TRIP12: variants seen among roughly 807,000 people sequenced by gnomAD.
TRIP12 encodes thyroid hormone receptor interactor 12.
A neutral mutation model predicts 244.2 loss-of-function variants in TRIP12; 25 were observed. The observed-to-expected ratio is 0.10, with a 90% CI of 0.07 to 0.14. TRIP12 has a LOEUF of 0.14. TRIP12 is among the 10% of genes least tolerant of loss of function. TRIP12 has a pLI of 1.00. For missense variants in TRIP12, 1,677 were observed against 2,486.4 expected, an observed-to-expected ratio of 0.67 and a Z score of 6.92; for synonymous variants, 905 against 873.1, an observed-to-expected ratio of 1.04 and a Z score of -0.64.
chr2:229,863,916 G>C (rs1341181679), intron 2 of TRIP12, among the ~76,000 whole-genome samples: 1 of 151,354 alleles, frequency 6.6e-6, no homozygotes, highest in African/African-American at 2.4e-5. Context: ...AAAATTTGTA[G>C]AACAGTATAG....
intron 34 of TRIP12, among the ~76,000 whole-genome samples, chr2:229,782,851 T>A (rs1274191747): frequency 6.6e-6 from 1 of 152,090 alleles, no homozygotes; most frequent in African/African-American, 2.4e-5. Context: ...TTACCTACAT[T>A]TTACAGATAA....
In TRIP12 at chr2:229,880,058, T is replaced by C; in HGVS notation, c.22A>G (p.Asn8Asp). The change falls in exon 2 of 42, where the codon AAT becomes GAT. Residue 8 changes from asparagine (N) to aspartate (D), a missense_variant. By Grantham distance (23) the Asn-to-Asp change is conservative. This residue lies in a region of TRIP12 where 387 missense variants were observed against 392.6 expected (regional missense o/e 0.99). Coordinates refer to ENST00000675903, the MANE Select transcript of TRIP12 (RefSeq NM_001348323.3). ...GAACGTCGCAGTGACCCCCCTGGAT[T>C]GTTATTAGGCCGGTTGGACATTGGC... MSNRPNN[N>D]PGGSLRRSQR... is the part of the protein sequence containing the mutation. 1 of 1,614,122 alleles carries C rather than the reference T, an allele frequency of 6.2e-7. No individual in the cohort carries two copies. The highest frequency in any genetic ancestry group is 2.2e-5 in the East Asian group (1 of 44,884).
chr2:229,811,486 T>A (rs1425990075), intron 13 of TRIP12, among the ~76,000 whole-genome samples: 1 of 151,966 alleles, frequency 6.6e-6, no homozygotes, highest in Non-Finnish European at 1.5e-5. Flanking sequence ...ACAATCTCAA[T>A]ACCTAAACAA....
chr2:229,829,078 A>T (rs1256529442), intron 8 of TRIP12, 115 bp downstream of exon 8: 3 of 851,864 alleles, frequency 3.5e-6, no homozygotes, highest in Non-Finnish European at 5.4e-6. Context: ...CCTTATTTTT[A>T]AAAATGGGTT....
At chr2:229,768,257 T>G (rs1004882983) in intron 41 of TRIP12, among the ~76,000 whole-genome samples, 48 of 152,170 alleles carry the variant, frequency 3.2e-4, no homozygotes, top group African/African-American at 1.1e-3. Flanking sequence ...AGTGAGATCC[T>G]GTCTCAAAAA....
intron 15 of TRIP12, among the ~76,000 whole-genome samples, chr2:229,810,025 T>C (rs1265602179): frequency 6.6e-6 from 1 of 152,130 alleles, no homozygotes; most frequent in African/African-American, 2.4e-5. Flanking sequence ...TTACAAACAA[T>C]TAAAGGTATT....
intron 15 of TRIP12, 113 bp downstream of exon 15, chr2:229,810,766 TC>T: frequency 9.5e-7 from 1 of 1,058,194 alleles, no homozygotes; most frequent in Non-Finnish European, 1.4e-6. Context: ...TTCTTTACTA[TC>T]CAATGCCTAT....
intron 2 of TRIP12, among the ~76,000 whole-genome samples, chr2:229,878,400 AGATCATGCCGCTGCACTCCAGCCTG>A: frequency 6.6e-6 from 1 of 151,398 alleles, no homozygotes; most frequent in East Asian, 2.0e-4. Flanking sequence ...CAGTGAGCCA[AGATCATGCCGCTGCACTCCAGCCTG>A]GGCGACAGCA....
chr2:229,863,359 T>C (rs2060792610), intron 2 of TRIP12, among the ~76,000 whole-genome samples: 1 of 152,032 alleles, frequency 6.6e-6, no homozygotes, highest in Non-Finnish European at 1.5e-5. Context: ...AAAATATTGA[T>C]ACTTAACTGT....
intron 1 of TRIP12, among the ~76,000 whole-genome samples, chr2:229,895,628 C>T (rs1030481379): frequency 6.7e-6 from 1 of 149,802 alleles, no homozygotes; most frequent in Non-Finnish European, 1.5e-5. Context: ...ACAGAAAGAA[C>T]AAAAGATTAA....
chr2:229,807,641 C>T, intron 17 of TRIP12, 67 bp downstream of exon 17: 1 of 1,570,770 alleles, frequency 6.4e-7, no homozygotes, highest in Non-Finnish European at 8.8e-7. Context: ...ATCCACCTCC[C>T]CATTCCATCC....
At position 229,792,208 on chromosome 2, in the gene TRIP12, T is replaced by A. The variant is rs1421062058; in HGVS notation, c.4160A>T (p.Glu1387Val). 1 of 1,613,958 alleles carries A rather than the reference T, an allele frequency of 6.2e-7. No homozygotes were observed. The highest frequency in any genetic ancestry group is 1.7e-5 in the Admixed American group (1 of 60,014). ...LVVRGYGRVR[E>V]DDEDSDDDGS... ...ATCGTCATCGCTGTCTTCATCATCT[T>A]CTCTTACTCTTCCATACCCTGAAGA... Residue 1387 changes from glutamate (E) to valine (V), a missense_variant, in exon 28 of 42, where the codon GAA becomes GTA. Glu to Val is a moderately radical substitution (Grantham distance 121). This residue lies in a region of TRIP12 where 265 missense variants were observed against 370.8 expected (regional missense o/e 0.71). Transcript: ENST00000675903.
intron 8 of TRIP12, among the ~76,000 whole-genome samples, chr2:229,822,394 A>G (rs2050307005): frequency 6.6e-6 from 1 of 152,234 alleles, no homozygotes; most frequent in Admixed American, 6.5e-5. Context: ...TTCAAATCTG[A>G]GGAGACATAG....
chr2:229,865,318 CAAAAAAA>C (rs767610234), intron 2 of TRIP12, among the ~76,000 whole-genome samples: 2 of 66,996 alleles, frequency 3.0e-5, no homozygotes, highest in Non-Finnish European at 5.3e-5. Context: ...CTCTCAACTA[CAAAAAAA>C]AAAAAAAAAA....
chr2:229,867,321 A>T (rs1458530380), intron 2 of TRIP12, among the ~76,000 whole-genome samples: 8 of 151,908 alleles, frequency 5.3e-5, no homozygotes, highest in African/African-American at 1.9e-4. Context: ...GCCTGCCACC[A>T]TGCCTGGCTA....
At position 229,785,793 on chromosome 2, in the gene TRIP12, G is replaced by A. The variant is rs2039829698; in HGVS notation, c.5058C>T (p.Ser1686=). ...ACTGGATTTCTAACATGGCCCGTGA[G>A]CTGCCGAGGTCCTGCATCACAGACT... ...QAESVMQDLG[S]SRAMLEIQYE... The change falls in exon 34 of 42, where the codon AGC becomes AGT. Residue 1686 remains serine, a synonymous_variant. Transcript: ENST00000675903. 1 of 1,613,562 alleles carries A rather than the reference G, an allele frequency of 6.2e-7. No individual in the cohort carries two copies. The highest frequency in any genetic ancestry group is 1.7e-5 in the Admixed American group (1 of 59,888).
chr2:229,922,756 A>ACCTCGGCCT (rs1296809636), upstream of TRIP12: 3 of 764,586 alleles, frequency 3.9e-6, no homozygotes, highest in African/African-American at 3.6e-5. Flanking sequence ...TTTCCTCGTC[A>ACCTCGGCCT]CCTCGGCCTC....
chr2:229,832,186 T>C (rs149276620), intron 6 of TRIP12, among the ~76,000 whole-genome samples: 1 of 152,340 alleles, frequency 6.6e-6, no homozygotes, highest in East Asian at 1.9e-4. Flanking sequence ...GAAAAGCTTA[T>C]GGTTTAAAAC....
In TRIP12 at chr2:229,774,078, C is replaced by A. The variant is rs377410498; in HGVS notation, c.5694+19G>T. The stretch of plus-strand genomic sequence containing the variant: ...CCGTCTTCACAACTGGCCTACCCCC[C>A]AAAGACACAGTTACATACTCTTAGA... On this transcript the variant is annotated intron_variant, in intron 38 of 41. Coordinates refer to ENST00000675903, the MANE Select transcript of TRIP12 (RefSeq NM_001348323.3). The A allele has an allele frequency of 1.1e-5, 17 of 1,606,908 alleles. No homozygotes were observed. The highest frequency in any genetic ancestry group is 2.2e-5 in the South Asian group (2 of 89,696).
Sources: allele counts gnomAD v4.1 joint callset (sites outside exome capture counted in the v4.1 genomes callset), GRCh38; gene constraint gnomAD v4.1.1; regional missense constraint gnomAD v4.1.1; transcripts MANE v1.5; gene names NCBI Gene and HGNC (gene_info 2026-07-23, HGNC 2026-07-21).